The following AGBL1 variants were observed in gnomAD, a reference collection of about 807,000 sequenced individuals.
The protein encoded by AGBL1 is AGBL carboxypeptidase 1.
In AGBL1, 130 loss-of-function variants were observed where a neutral mutation model predicts 118.9. That is an observed-to-expected ratio of 1.09 (90% CI 0.95 to 1.26). The LOEUF (loss-of-function observed/expected upper bound fraction) is 1.26, where lower values mean the gene tolerates loss of function less well. Ranked by LOEUF, AGBL1 falls within the 50% of genes most tolerant of loss-of-function variation. The pLI, the probability that AGBL1 is intolerant of heterozygous loss-of-function variation, is 0.00. For synonymous variants in AGBL1, 555 were observed against 478.9 expected (o/e 1.16, Z -2.08); for missense variants, 1,584 against 1,298.1 (o/e 1.22, Z -3.38).
At position 86,340,102 on chromosome 15, in the gene AGBL1, T is replaced by C. The variant is rs186726444; in HGVS notation, c.2374+44694T>C. On this transcript the variant is annotated intron_variant, in intron 17 of 22. Transcript: ENST00000614907. ...CTTTGTCAGCTAATTCTGACATCTC[T>C]GTCTTCTCAGTGTTAGCTTCTATTG... 1.9e-4 allele frequency among the ~76,000 whole-genome samples: 29 copies of C among 152,380 alleles called. 1 individual carries two copies. The highest frequency in any genetic ancestry group is 6.5e-4 in the Admixed American group (10 of 15,312).
chr15:86,690,129 A>G (rs1479912847), intron 22 of AGBL1, among the ~76,000 whole-genome samples: 1 of 152,168 alleles, frequency 6.6e-6, no homozygotes, highest in Non-Finnish European at 1.5e-5. Context: ...TGGTAAGTAA[A>G]GAGTGATACA....
chr15:86,389,371 A>T (rs2081244797), intron 17 of AGBL1, among the ~76,000 whole-genome samples: 1 of 152,158 alleles, frequency 6.6e-6, no homozygotes, highest in Non-Finnish European at 1.5e-5. Flanking sequence ...ACATGGAGAG[A>T]TGTGGAAAAT....
chr15:86,601,138 G>T (rs1031932200), intron 21 of AGBL1, among the ~76,000 whole-genome samples: 3 of 152,124 alleles, frequency 2.0e-5, no homozygotes, highest in Admixed American at 6.6e-5. Flanking sequence ...TGACAGAGTT[G>T]TTTGTTGTCA....
At chr15:86,291,266 TAA>T (rs1246957852) in intron 16 of AGBL1, among the ~76,000 whole-genome samples, 24 of 152,204 alleles carry the variant, frequency 1.6e-4, no homozygotes, top group African/African-American at 5.5e-4. Context: ...TTTCAAGATC[TAA>T]GCAGTACTCA....
chr15:86,985,395 A>T (rs1376367941), intron 23 of AGBL1, among the ~76,000 whole-genome samples: 1 of 152,208 alleles, frequency 6.6e-6, no homozygotes, highest in Non-Finnish European at 1.5e-5. Flanking sequence ...TCTCATCAGC[A>T]TTTGGCATCG....
chr15:86,510,177 A>G (rs927753728), intron 18 of AGBL1, among the ~76,000 whole-genome samples: 4 of 152,110 alleles, frequency 2.6e-5, no homozygotes, highest in African/African-American at 9.7e-5. Context: ...CCCGTGTCCT[A>G]AGAGACTAAT....
At position 86,683,352 on chromosome 15, in the gene AGBL1, ATG is replaced by A. The variant is rs367698673; in HGVS notation, c.3158+8920_3158+8921del. Reference sequence around the variant, plus strand: ...ATTAATGTATACCATTATAGGTTGAATGTGTTGTAACCCATGGTGAATTGAAA... The same window carrying A: ...ATTAATGTATACCATTATAGGTTGAATGTTGTAACCCATGGTGAATTGAAA... On this transcript the variant is annotated intron_variant, in intron 22 of 22. Coordinates refer to ENST00000614907, the MANE Select transcript of AGBL1 (RefSeq NM_001386094.1). Among the ~76,000 whole-genome samples, 25 of 152,290 alleles carry A rather than the reference ATG, an allele frequency of 1.6e-4. No homozygotes were observed. In the East Asian group the frequency reaches 4.8e-3, roughly 29 times the overall value.
intron 22 of AGBL1, among the ~76,000 whole-genome samples, chr15:86,697,073 C>G (rs2086275775): frequency 6.6e-6 from 1 of 151,830 alleles, no homozygotes; most frequent in South Asian, 2.1e-4. Context: ...GACTATGTGC[C>G]TAGGTATTGA....
At position 86,501,866 on chromosome 15, in the gene AGBL1, G is replaced by A. The variant is rs146999881; in HGVS notation, c.2556-20944G>A. 3.0e-4 allele frequency among the ~76,000 whole-genome samples: 46 copies of A among 151,524 alleles called. No homozygotes were observed. The East Asian group carries it at 3.1e-3, about 10-fold the overall frequency. On this transcript the variant is annotated intron_variant, in intron 18 of 22. Coordinates refer to ENST00000614907, the MANE Select transcript of AGBL1 (RefSeq NM_001386094.1). ...AATTGTAACTTTGATTTTGAAATTC[G>A]GAAGTGTGAGTCCTCCAGATTCATT...
At chr15:86,167,441 TCAC>T (rs2077357326) in intron 5 of AGBL1, among the ~76,000 whole-genome samples, 2 of 152,138 alleles carry the variant, frequency 1.3e-5, no homozygotes, top group Admixed American at 6.5e-5. Flanking sequence ...AGATGGGGTT[TCAC>T]CATGTTGGCC....
chr15:86,136,100 C>T (rs2076884864), intron 1 of AGBL1, among the ~76,000 whole-genome samples: 1 of 152,170 alleles, frequency 6.6e-6, no homozygotes, highest in Admixed American at 6.5e-5. Flanking sequence ...AGTGCATCTG[C>T]CAGTTGAGTG....
At chr15:86,693,908 T>C (rs1291476013) in intron 22 of AGBL1, among the ~76,000 whole-genome samples, 1 of 152,104 alleles carries the variant, frequency 6.6e-6, no homozygotes, top group Middle Eastern at 3.2e-3. Context: ...TTGCTGTAAG[T>C]ATTTGGGCTT....
At chr15:86,663,361 CCTT>C (rs775496904) in intron 21 of AGBL1, among the ~76,000 whole-genome samples, 4 of 152,172 alleles carry the variant, frequency 2.6e-5, no homozygotes, top group Admixed American at 1.3e-4. Context: ...GCACCTTTCT[CCTT>C]CTTCCCTCAC....
intron 5 of AGBL1, among the ~76,000 whole-genome samples, chr15:86,170,426 C>T (rs2077398136): frequency 1.3e-5 from 2 of 150,760 alleles, no homozygotes; most frequent in South Asian, 4.2e-4. Flanking sequence ...TAGGTAGGGA[C>T]AGAAAAAAAT....
intron 22 of AGBL1, among the ~76,000 whole-genome samples, chr15:86,726,951 C>T (rs866634791): frequency 3.3e-5 from 5 of 152,048 alleles, no homozygotes; most frequent in South Asian, 2.1e-4. Flanking sequence ...TCGTTTTCCT[C>T]GTTGGTCAGA....
chr15:86,456,299 C>T (rs960153916), intron 18 of AGBL1, among the ~76,000 whole-genome samples: 1 of 152,160 alleles, frequency 6.6e-6, no homozygotes, highest in African/African-American at 2.4e-5. Context: ...CTTATCACTC[C>T]AGAAAGCTAT....
chr15:86,926,781 C>G (rs989987743), intron 23 of AGBL1, among the ~76,000 whole-genome samples: 20 of 152,146 alleles, frequency 1.3e-4, no homozygotes, highest in African/African-American at 4.3e-4. Context: ...AGGGCAATCA[C>G]CAGAATTTCT....
chr15:86,618,380 A>C (rs1293649824), intron 21 of AGBL1, among the ~76,000 whole-genome samples: 3 of 152,206 alleles, frequency 2.0e-5, no homozygotes, highest in Non-Finnish European at 4.4e-5. Flanking sequence ...TGACACCAGC[A>C]GGTCTATTAA....
chr15:86,556,192 T>C (rs1357863413), intron 21 of AGBL1: 1 of 1,584,090 alleles, frequency 6.3e-7, no homozygotes, highest in Non-Finnish European at 8.6e-7. Flanking sequence ...GACTCATAGG[T>C]TCAGGCCCTC....
Sources: allele counts gnomAD v4.1 joint callset (sites outside exome capture counted in the v4.1 genomes callset), GRCh38; gene constraint gnomAD v4.1.1; transcripts MANE v1.5; gene names NCBI Gene and HGNC (gene_info 2026-07-23, HGNC 2026-07-21).